Variants in RALGAPA2 observed in about 807,000 individuals in gnomAD.
The protein encoded by RALGAPA2 is ral GTPase-activating protein subunit alpha-2.
A neutral mutation model predicts 230.4 loss-of-function variants in RALGAPA2; 139 were observed. That is an observed-to-expected ratio of 0.60 (90% CI 0.53 to 0.69). The LOEUF (loss-of-function observed/expected upper bound fraction) is 0.69, where lower values mean the gene tolerates loss of function less well. Among genes scored for constraint, RALGAPA2 ranks in the 30% least tolerant of loss-of-function variants. The probability of loss-of-function intolerance (pLI) is 0.00; values close to 1 mark genes in which losing one functional copy is unlikely to be tolerated. For missense variants in RALGAPA2, 2,163 were observed against 2,276.0 expected, an observed-to-expected ratio of 0.95 and a Z score of 1.01; for synonymous variants, 847 against 837.8, an observed-to-expected ratio of 1.01 and a Z score of -0.19.
chr20:20,408,807 C>A (rs566349395), intron 38 of RALGAPA2, among the ~76,000 whole-genome samples: 21 of 152,132 alleles, frequency 1.4e-4, no homozygotes, highest in African/African-American at 4.8e-4. Flanking sequence ...TTAATTGCAA[C>A]CAATATTTTA....
intron 18 of RALGAPA2, among the ~76,000 whole-genome samples, chr20:20,585,633 T>C (rs1310514937): frequency 6.6e-6 from 1 of 152,140 alleles, no homozygotes; most frequent in Non-Finnish European, 1.5e-5. Flanking sequence ...AGGAGAGCTG[T>C]TCAAGACAGC....
At chr20:20,621,764 T>C (rs1784655758) in intron 10 of RALGAPA2, among the ~76,000 whole-genome samples, 1 of 152,248 alleles carries the variant, frequency 6.6e-6, no homozygotes, top group African/African-American at 2.4e-5. Flanking sequence ...GCTTTTCGCT[T>C]ATCAGTTTTA....
chr20:20,629,535 G>T lies in RALGAPA2; in HGVS notation c.1061C>A (p.Pro354His), dbSNP rs1267094704. The change falls in exon 10 of 40, where the codon CCC (proline) becomes CAC (histidine). Residue 354 changes from proline (P) to histidine (H), a missense_variant. Transcript: ENST00000202677. Reference sequence around the variant, plus strand: ...AGAATGGCTTTTGTCCTGCTCCGTGGGCCCACCACCATCCAGCTCAGGCGC... The same window carrying T: ...AGAATGGCTTTTGTCCTGCTCCGTGTGCCCACCACCATCCAGCTCAGGCGC... ...ERAPELDGGG[P>H]TEQDKSHSNS... The T allele has an allele frequency of 6.2e-7, 1 of 1,613,788 alleles. No homozygotes were observed. Among genetic ancestry groups the T allele is most frequent in the Non-Finnish European group, 8.5e-7 (1 of 1,179,862 alleles).
chr20:20,693,509 A>T (rs2068990922), intron 1 of RALGAPA2, among the ~76,000 whole-genome samples: 1 of 152,118 alleles, frequency 6.6e-6, no homozygotes, highest in African/African-American at 2.4e-5. Context: ...TGAGGGGAAA[A>T]GTTGGAGACA....
Position 20,455,104 on chromosome 20 carries a change from C to G in RALGAPA2, c.5495+17725G>C, listed in dbSNP as rs73287250. On this transcript the variant is annotated intron_variant, in intron 37 of 39. Transcript: ENST00000202677. ...CGGAGATTATAAAAAGTACACATTA[C>G]AAACAGAATGTGTCCCTAGGAAGGG... is the stretch of plus-strand genomic sequence containing the variant. Among the ~76,000 whole-genome samples, 699 of 152,320 alleles carry G rather than the reference C, an allele frequency of 4.6e-3. 3 individuals are homozygous for G. Among genetic ancestry groups the G allele is most frequent in the African/African-American group, 0.016 (661 of 41,562 alleles).
intron 4 of RALGAPA2, among the ~76,000 whole-genome samples, chr20:20,653,221 A>T (rs1568709226): frequency 6.7e-6 from 1 of 149,882 alleles, no homozygotes; most frequent in Non-Finnish European, 1.5e-5. Flanking sequence ...AAAAAAAAAA[A>T]AAAATACACA....
At chr20:20,602,664 A>G (rs575971016) in intron 15 of RALGAPA2, among the ~76,000 whole-genome samples, 4 of 152,370 alleles carry the variant, frequency 2.6e-5, no homozygotes, top group Non-Finnish European at 4.4e-5. Flanking sequence ...AAAGCAACAT[A>G]AATCAGAAAT....
chr20:20,486,343 T>A (rs1161751003), intron 36 of RALGAPA2, among the ~76,000 whole-genome samples: 1 of 152,116 alleles, frequency 6.6e-6, no homozygotes, highest in African/African-American at 2.4e-5. Flanking sequence ...TTTTGAAGGA[T>A]AATTTCTCTG....
chr20:20,427,469 C>A lies in RALGAPA2; in HGVS notation c.5496-15321G>T, dbSNP rs1322853180. Among the ~76,000 whole-genome samples, 4 of 151,926 alleles carry A rather than the reference C, an allele frequency of 2.6e-5. No individual in the cohort carries two copies. In the East Asian group the frequency reaches 7.8e-4, roughly 30 times the overall value. On this transcript the variant is annotated intron_variant, in intron 37 of 39. Transcript: ENST00000202677. ...GTCCTGCACTTATTCATGCAGATGT[C>A]TCTTCCCCTGTCACTCATCCCTTCA...
At chr20:20,679,682 A>G (rs1247986312) in intron 2 of RALGAPA2, among the ~76,000 whole-genome samples, 1 of 152,034 alleles carries the variant, frequency 6.6e-6, no homozygotes, top group East Asian at 1.9e-4. Context: ...TCTCCCCTCC[A>G]GCAGCAGTGC....
chr20:20,634,824 T>A (rs913793705), intron 9 of RALGAPA2, among the ~76,000 whole-genome samples: 2 of 152,144 alleles, frequency 1.3e-5, no homozygotes, highest in Admixed American at 1.3e-4. Flanking sequence ...AAGACCCCAA[T>A]TGTGTATGGC....
Position 20,584,931 on chromosome 20 carries a change from G to C in RALGAPA2, c.2464C>G (p.Pro822Ala), listed in dbSNP as rs1460785775. The change falls in exon 19 of 40, where the codon CCT becomes GCT. Residue 822 changes from proline to alanine, a missense_variant. Physicochemically the swap from Pro to Ala is conservative, Grantham distance 27. Transcript: ENST00000202677. ...ITILVRRSSSPAELDLKDDLQ... is the reference protein window; with the variant it reads ...ITILVRRSSSAAELDLKDDLQ... ...TCATCTTTCAAATCCAATTCAGCAG[G>C]GCTGCTGCTTCTTCGAACTAAGATC... 2 of 1,610,136 alleles carry C rather than the reference G, an allele frequency of 1.2e-6. No homozygotes were observed. The highest frequency in any genetic ancestry group is 8.5e-7 in the Non-Finnish European group (1 of 1,177,910).
intron 23 of RALGAPA2, among the ~76,000 whole-genome samples, chr20:20,563,235 T>C (rs975076805): frequency 6.6e-6 from 1 of 152,220 alleles, no homozygotes; most frequent in Admixed American, 6.5e-5. Flanking sequence ...TTATATTCAA[T>C]AATATTTCAT....
intron 39 of RALGAPA2, among the ~76,000 whole-genome samples, chr20:20,395,574 C>A (rs2059695904): frequency 6.6e-6 from 1 of 152,164 alleles, no homozygotes; most frequent in African/African-American, 2.4e-5. Flanking sequence ...CCTTCTCTGC[C>A]CCATCTTGAC....
At chr20:20,705,203 T>C (rs1568779541) in intron 1 of RALGAPA2, among the ~76,000 whole-genome samples, 1 of 152,218 alleles carries the variant, frequency 6.6e-6, no homozygotes, top group Non-Finnish European at 1.5e-5. Context: ...ACAATGTTTG[T>C]GACTTGATTT....
intron 19 of RALGAPA2, among the ~76,000 whole-genome samples, chr20:20,583,496 C>A (rs911591276): frequency 6.6e-6 from 1 of 152,164 alleles, no homozygotes; most frequent in Middle Eastern, 3.2e-3. Flanking sequence ...CGTGTCTTCA[C>A]TCAGTACCCC....
chr20:20,652,962 C>T (rs1034186321), intron 4 of RALGAPA2, among the ~76,000 whole-genome samples: 9 of 151,924 alleles, frequency 5.9e-5, no homozygotes, highest in African/African-American at 2.2e-4. Context: ...GAAGCCAAGG[C>T]GGGTGGATCG....
chr20:20,506,961 A>G (rs2062554090), intron 33 of RALGAPA2, among the ~76,000 whole-genome samples: 1 of 152,262 alleles, frequency 6.6e-6, no homozygotes, highest in South Asian at 2.1e-4. Context: ...CAGAAAGAAA[A>G]GAGAAGAATA....
At position 20,524,459 on chromosome 20, in the gene RALGAPA2, C is replaced by A. The variant is rs372912568; in HGVS notation, c.3847G>T (p.Val1283Phe). The change falls in exon 30 of 40, where the codon GTC becomes TTC. Residue 1283 changes from valine (V) to phenylalanine (F), a missense_variant. By Grantham distance (50) the Val-to-Phe change is conservative (BLOSUM62 -1). Coordinates refer to ENST00000202677, the MANE Select transcript of RALGAPA2 (RefSeq NM_020343.4). ...CTGGCCGAATGCTGCTCCTCTAGGA[C>A]TGCTGTGGACACGGGGTGGAGAAGG... ...SVLLHPVSTA[V>F]LEEQHSARAP... The A allele has an allele frequency of 1.9e-6, 3 of 1,613,932 alleles. No homozygotes were observed. Among genetic ancestry groups the A allele is most frequent in the Non-Finnish European group, 2.5e-6 (3 of 1,179,862 alleles).
Sources: gnomAD v4.1 joint callset for allele counts (sites outside exome capture counted in the v4.1 genomes callset) on GRCh38, gnomAD v4.1.1 for gene constraint, MANE v1.5 for transcripts, NCBI Gene and HGNC (gene_info 2026-07-23, HGNC 2026-07-21) for gene names.